The following PKIB variants were observed in gnomAD, a reference collection of about 807,000 sequenced individuals.
The protein encoded by PKIB is PKI-beta.
PKIB carries 2 observed loss-of-function variants against 4.5 expected under a neutral mutation model. The ratio of observed to expected loss-of-function variants is 0.44; its 90% confidence interval spans 0.18 to 1.39. The LOEUF is 1.39. PKIB is among the 40% of genes most tolerant of loss of function. PKIB has a pLI of 0.27. For missense variants in PKIB, 94 were observed against 92.6 expected, an observed-to-expected ratio of 1.02 and a Z score of -0.06; for synonymous variants, 38 against 36.0, an observed-to-expected ratio of 1.06 and a Z score of -0.20.
rs1378856865 is a variant in PKIB at position 122,538,894 on chromosome 6, C to T, written c.-247-47027C>T. Among the ~76,000 whole-genome samples the T allele has an allele frequency of 7.2e-5, 11 of 152,056 alleles. 1 individual carries two copies. Among genetic ancestry groups the T allele is most frequent in the Admixed American group, 7.2e-4 (11 of 15,262 alleles). Reference sequence around the variant, plus strand: ...TGTAGTTCTCCTTGAAGAGGTCCTTCACATCCCTTGTAAGTTGGATTCCTA... The same window carrying T: ...TGTAGTTCTCCTTGAAGAGGTCCTTTACATCCCTTGTAAGTTGGATTCCTA... On this transcript the variant is annotated intron_variant, in intron 2 of 6. Transcript: ENST00000392491.
rs190673816 is a variant in PKIB at position 122,599,060 on chromosome 6, T to A, written c.-161+13053T>A. ...CTCACCTCTAGGGTCCACTGGTAGC[T>A]TAGTCTCGTTATATGTCTGGAAGCA... On this transcript the variant is annotated intron_variant, in intron 3 of 6. Coordinates refer to the PKIB transcript ENST00000392491. Among the ~76,000 whole-genome samples the A allele has an allele frequency of 1.6e-3, 248 of 152,262 alleles. 3 individuals carry two copies. The highest frequency in any genetic ancestry group is 5.5e-3 in the African/African-American group (229 of 41,548).
chr6:122,711,899 T>C (rs1779286085), intron 3 of PKIB, among the ~76,000 whole-genome samples: 1 of 152,174 alleles, frequency 6.6e-6, no homozygotes. Flanking sequence ...GAAGGATCTG[T>C]CTATGCAATT....
intron 1 of PKIB, among the ~76,000 whole-genome samples, chr6:122,611,756 C>T (rs1240884149): frequency 6.6e-6 from 1 of 152,150 alleles, no homozygotes; most frequent in Non-Finnish European, 1.5e-5. Context: ...AAAATGAGAA[C>T]TGATGACCAT....
chr6:122,561,997 TTTTTTTG>T (rs796151920), intron 2 of PKIB, among the ~76,000 whole-genome samples: 1,565 of 135,372 alleles, frequency 0.012, 42 homozygotes, highest in African/African-American at 0.044. Flanking sequence ...TGTTTTTGTT[TTTTTTTG>T]TTTTTTTTTT....
intron 2 of PKIB, among the ~76,000 whole-genome samples, chr6:122,484,881 A>G (rs539555049): frequency 1.1e-4 from 16 of 152,332 alleles, no homozygotes; most frequent in African/African-American, 3.8e-4. Context: ...TTGAAAACCT[A>G]ACTTAGGAGT....
exon 1 of PKIB, chr6:122,472,010 A>C (rs984831919): frequency 1.4e-6 from 1 of 700,940 alleles, no homozygotes; most frequent in South Asian, 2.3e-5. Context: ...GCTAATGTGG[A>C]TCTGACCGTA....
chr6:122,577,908 CAA>C (rs530700134), intron 2 of PKIB, among the ~76,000 whole-genome samples: 11 of 74,206 alleles, frequency 1.5e-4, no homozygotes, highest in Admixed American at 4.8e-4. Flanking sequence ...GACTCCGTCT[CAA>C]AAAAAAAAAA....
At chr6:122,552,646 G>A (rs1194284464) in intron 2 of PKIB, among the ~76,000 whole-genome samples, 1 of 152,110 alleles carries the variant, frequency 6.6e-6, no homozygotes, top group Non-Finnish European at 1.5e-5. Context: ...CCAAAGTGCT[G>A]GGATTACAGG....
intron 2 of PKIB, among the ~76,000 whole-genome samples, chr6:122,655,197 TA>T (rs1776717125): frequency 6.6e-6 from 1 of 152,098 alleles, no homozygotes; most frequent in Non-Finnish European, 1.5e-5. Context: ...ATTGTTTCAA[TA>T]AAAACATATT....
chr6:122,706,469 T>C (rs939238258), intron 3 of PKIB, among the ~76,000 whole-genome samples: 3 of 152,286 alleles, frequency 2.0e-5, no homozygotes, highest in East Asian at 3.9e-4. Context: ...GAACGGAAGA[T>C]ATAGTAGATG....
chr6:122,686,254 A>G (rs1158993359), intron 3 of PKIB, among the ~76,000 whole-genome samples: 2 of 152,132 alleles, frequency 1.3e-5, no homozygotes, highest in East Asian at 3.8e-4. Context: ...GATTGTACAA[A>G]TTTACATTCC....
At chr6:122,568,767 G>A (rs899473710) in intron 2 of PKIB, among the ~76,000 whole-genome samples, 25 of 152,210 alleles carry the variant, frequency 1.6e-4, no homozygotes, top group Non-Finnish European at 3.5e-4. Context: ...AATGGGAATT[G>A]CACTGCAGAC....
At chr6:122,481,037 A>G (rs748277982) in intron 2 of PKIB, 3 of 152,190 alleles carry the variant, frequency 2.0e-5, no homozygotes, top group Non-Finnish European at 2.9e-5. Context: ...CCATGATTAT[A>G]TAAGTGTATA....
At chr6:122,642,715 G>A (rs1429641206) in intron 2 of PKIB, among the ~76,000 whole-genome samples, 1 of 152,164 alleles carries the variant, frequency 6.6e-6, no homozygotes, top group Non-Finnish European at 1.5e-5. Flanking sequence ...GTTAATGAGT[G>A]TGACATATCT....
intron 4 of PKIB, among the ~76,000 whole-genome samples, chr6:122,722,812 G>A (rs916818577): frequency 6.6e-6 from 1 of 152,100 alleles, no homozygotes. Flanking sequence ...AAAACTCCTT[G>A]ACAGAGTTAT....
intron 2 of PKIB, among the ~76,000 whole-genome samples, chr6:122,636,981 A>C (rs576125483): frequency 6.6e-5 from 10 of 152,226 alleles, no homozygotes; most frequent in Admixed American, 5.2e-4. Flanking sequence ...TTCAAAAAGC[A>C]CAACAACAAT....
chr6:122,531,208 A>C (rs991199948), intron 2 of PKIB: 5 of 152,186 alleles, frequency 3.3e-5, no homozygotes, highest in African/African-American at 1.2e-4. Context: ...TTTTTTGAAA[A>C]CATGGGAATT....
intron 2 of PKIB, among the ~76,000 whole-genome samples, chr6:122,506,694 ATTTTTTT>A (rs35341464): frequency 3.4e-5 from 4 of 116,568 alleles, no homozygotes; most frequent in East Asian, 2.8e-4. Flanking sequence ...TGGAGATGTA[ATTTTTTT>A]TTTTTTTTTT....
chr6:122,670,445 G>T (rs989180895), intron 2 of PKIB, among the ~76,000 whole-genome samples: 1 of 152,028 alleles, frequency 6.6e-6, no homozygotes, highest in African/African-American at 2.4e-5. Flanking sequence ...TTTGCTATTT[G>T]CTTACTACCA....
Sources: gnomAD v4.1 joint callset for allele counts (sites outside exome capture counted in the v4.1 genomes callset) on GRCh38, gnomAD v4.1.1 for gene constraint, MANE v1.5 for transcripts, NCBI Gene and HGNC (gene_info 2026-07-23, HGNC 2026-07-21) for gene names.